The following POU2F2 variants were observed in gnomAD, a reference collection of about 807,000 sequenced individuals.
The protein encoded by POU2F2 is POU domain, class 2, transcription factor 2.
POU2F2 carries 14 observed loss-of-function variants against 63.5 expected under a neutral mutation model. The ratio of observed to expected loss-of-function variants is 0.22; its 90% confidence interval spans 0.15 to 0.34. POU2F2 has a LOEUF of 0.34. POU2F2 is among the 10% of genes least tolerant of loss of function. The probability of loss-of-function intolerance (pLI) is 1.00; values close to 1 mark genes in which losing one functional copy is unlikely to be tolerated. For synonymous variants in POU2F2, 306 were observed against 348.6 expected (o/e 0.88, Z 1.36); for missense variants, 607 against 815.2 (o/e 0.74, Z 3.11).
upstream of POU2F2, among the ~76,000 whole-genome samples, chr19:42,178,853 G>A (rs937295104): frequency 6.6e-6 from 1 of 152,058 alleles, no homozygotes; most frequent in East Asian, 1.9e-4. Context: ...GAGAAAGAAA[G>A]CAAAGACAGA....
upstream of POU2F2, among the ~76,000 whole-genome samples, chr19:42,197,474 C>A (rs550006337): frequency 1.3e-5 from 2 of 152,100 alleles, no homozygotes. Context: ...CAAGACGGGT[C>A]GAAATTCCAG....
At chr19:42,132,624 G>GC (rs1401518945), upstream of POU2F2, 9 of 428,146 alleles carry the variant, frequency 2.1e-5, no homozygotes, top group Admixed American at 1.8e-4. Flanking sequence ...GGCTAGTGGG[G>GC]CAGAGGATAA....
In POU2F2 at chr19:42,117,412, G is replaced by A. The variant is rs752125218; in HGVS notation, c.207C>T (p.Leu69=). The A allele has an allele frequency of 1.5e-6, 2 of 1,361,008 alleles. No individual in the cohort carries two copies. The highest frequency in any genetic ancestry group is 2.0e-6 in the Non-Finnish European group (2 of 987,536). 84.3% of individuals were successfully genotyped at this position (1,361,008 alleles called of 1,614,324 possible). A position where few individuals can be genotyped will look rare whatever the true frequency, so the allele number is the denominator to read the frequency against. ...GTCCGGGACCCCAGAATGTTAAGTG[G>A]AGGCCAGAGAGAATGCCCACCTGTG... ...PSTKVGILSG[L]HLTFWGPGPC... Residue 69 remains leucine (L), a synonymous_variant, in exon 5 of 15, where the codon CTC becomes CTT. Coordinates refer to ENST00000692977, the MANE Select transcript of POU2F2 (RefSeq NM_001394376.1). This position sits in a 1 kb window ranked among gnomAD's most constrained non-coding sequence, Gnocchi z 4.4.
intron 1 of POU2F2, among the ~76,000 whole-genome samples, chr19:42,195,622 G>A (rs894228707): frequency 2.3e-4 from 35 of 149,374 alleles, no homozygotes; most frequent in Non-Finnish European, 3.7e-4. Context: ...ATGAGCCACC[G>A]CGCCTGGCCC....
At chr19:42,195,056 AG>A (rs1221467168) in intron 1 of POU2F2, among the ~76,000 whole-genome samples, 1 of 25,658 alleles carries the variant, frequency 3.9e-5, no homozygotes, top group Non-Finnish European at 7.5e-5. Context: ...GAAGGAAGGG[AG>A]GGAGGGAGGG....
In POU2F2 at chr19:42,086,769, A is replaced by G. The variant is rs986124060; in HGVS notation, c.*4488T>C. 3.9e-5 allele frequency: 6 copies of G among 152,094 alleles called. No individual in the cohort carries two copies. Among genetic ancestry groups the G allele is most frequent in the Admixed American group, 6.5e-5 (1 of 15,272 alleles). The allele number at this position is 152,094 out of a possible 1,614,324, so 9.4% of individuals were successfully genotyped here. On this transcript the variant is annotated 3_prime_UTR_variant, in exon 15 of 15. Coordinates refer to ENST00000692977, the MANE Select transcript of POU2F2 (RefSeq NM_001394376.1). ...TACTGAGCCCCTGGGTTTGGGGGAC[A>G]TATTGGGGGAGGGGCAGCAAGGATA...
In POU2F2 at chr19:42,181,369, T is replaced by C. The variant is rs139205175; in HGVS notation, c.-70+15014A>G. Reference sequence around the variant, plus strand: ...CCTCTGAGGAATGTGTGTGTGTGCATGTCTGAGTGAGGGCCATCTCTGGGT... The same window carrying C: ...CCTCTGAGGAATGTGTGTGTGTGCACGTCTGAGTGAGGGCCATCTCTGGGT... On this transcript the variant is annotated intron_variant, in intron 1 of 5. Transcript: ENST00000532176. 3.9e-3 allele frequency among the ~76,000 whole-genome samples: 592 copies of C among 152,370 alleles called. 14 individuals carry two copies. The highest frequency in any genetic ancestry group is 3.1e-3 in the East Asian group (16 of 5,190).
In POU2F2 at chr19:42,116,465, GC is replaced by G. The variant is rs1166355933; in HGVS notation, c.369+784del. Among the ~76,000 whole-genome samples, 5 of 152,240 alleles carry G rather than the reference GC, an allele frequency of 3.3e-5. No homozygotes were observed. The East Asian group carries it at 7.7e-4, about 24-fold the overall frequency. ...CCCAGCGAGATGCACAGGAAGCACTGCCCCCAACACACCACCAGAGGGAGGA... is the reference window on the plus strand; with the variant it reads ...CCCAGCGAGATGCACAGGAAGCACTGCCCCAACACACCACCAGAGGGAGGA... On this transcript the variant is annotated intron_variant, in intron 5 of 14. Coordinates refer to ENST00000692977, the MANE Select transcript of POU2F2 (RefSeq NM_001394376.1).
At chr19:42,145,990 G>C (rs1166397315) in intron 2 of POU2F2, among the ~76,000 whole-genome samples, 3 of 135,242 alleles carry the variant, frequency 2.2e-5, no homozygotes, top group African/African-American at 8.6e-5. Flanking sequence ...CCGAGATCGC[G>C]CCACTGCACT....
In POU2F2 at chr19:42,152,147, G is replaced by C. The variant is rs1198756057; in HGVS notation, c.-9+8185C>G. Reference sequence around the variant, plus strand: ...CCCAGCCTGACTGTGGGGCGCAACGGGTAGCTGAGGCAATGAACAGCTGTG... The same window carrying C: ...CCCAGCCTGACTGTGGGGCGCAACGCGTAGCTGAGGCAATGAACAGCTGTG... On this transcript the variant is annotated intron_variant, in intron 2 of 6. Transcript: ENST00000524801. This position sits in a 1 kb window ranked among gnomAD's most constrained non-coding sequence, Gnocchi z 4.1. Among the ~76,000 whole-genome samples the C allele has an allele frequency of 6.6e-6, 1 of 152,152 alleles. No homozygotes were observed. The highest frequency in any genetic ancestry group is 1.5e-5 in the Non-Finnish European group (1 of 68,032).
chr19:42,141,473 C>CTTT (rs58221767), intron 2 of POU2F2, among the ~76,000 whole-genome samples: 130 of 98,946 alleles, frequency 1.3e-3, no homozygotes, highest in African/African-American at 1.7e-3. Context: ...CTTAATTAAT[C>CTTT]TTTTTTTTTT....
chr19:42,141,894 CCG>C (rs1259648586), intron 2 of POU2F2, among the ~76,000 whole-genome samples: 1 of 152,162 alleles, frequency 6.6e-6, no homozygotes. Context: ...CTAGATGCCA[CCG>C]ATAGGACAGT....
intron 1 of POU2F2, among the ~76,000 whole-genome samples, chr19:42,129,624 C>T (rs2033523268): frequency 1.3e-5 from 2 of 152,210 alleles, no homozygotes; most frequent in South Asian, 2.1e-4. Flanking sequence ...CCCCTGCCTC[C>T]GCAGCCTGCT....
In POU2F2 at chr19:42,086,248, T is replaced by C. The variant is rs1249626289; in HGVS notation, c.*5009A>G. 6.6e-6 allele frequency: 1 copy of C among 151,990 alleles called. No individual in the cohort carries two copies. Among genetic ancestry groups the C allele is most frequent in the Non-Finnish European group, 1.5e-5 (1 of 68,016 alleles). 9.4% of individuals were successfully genotyped at this position (151,990 alleles called of 1,614,324 possible). A position where few individuals can be genotyped will look rare whatever the true frequency, so the allele number is the denominator to read the frequency against. ...ACAAGCAGATTGGAGTTAAGAACAC[T>C]GAAACACTAACCCGCTACCACGAGA... is the stretch of plus-strand genomic sequence containing the variant. On this transcript the variant is annotated 3_prime_UTR_variant, in exon 15 of 15. Transcript: ENST00000692977.
intron 5 of POU2F2, among the ~76,000 whole-genome samples, chr19:42,112,167 G>A (rs1034630307): frequency 2.0e-5 from 3 of 152,220 alleles, no homozygotes; most frequent in African/African-American, 4.8e-5. Flanking sequence ...AGGCCCTGTG[G>A]ATGAACTGAC....
At chr19:42,093,494 T>A (rs2076810359) in intron 12 of POU2F2, 1 of 252,964 alleles carries the variant, frequency 4.0e-6, no homozygotes, top group Admixed American at 5.3e-5. Context: ...ACATTCATAA[T>A]AATTTAATAA....
At chr19:42,146,446 G>C (rs957416538) in intron 2 of POU2F2, among the ~76,000 whole-genome samples, 2 of 152,210 alleles carry the variant, frequency 1.3e-5, no homozygotes, top group Admixed American at 1.3e-4. Context: ...CATTCACTGA[G>C]TGCCTTCACA....
At chr19:42,186,966 AAG>A (rs2035018920) in intron 1 of POU2F2, among the ~76,000 whole-genome samples, 1 of 152,136 alleles carries the variant, frequency 6.6e-6, no homozygotes, top group Admixed American at 6.5e-5. Flanking sequence ...GGATCCAGCA[AAG>A]AGTTATATTA....
At chr19:42,122,714 C>A (rs2032791734) in intron 1 of POU2F2, 138 bp from the exon 2 acceptor site, 2 of 754,058 alleles carry the variant, frequency 2.7e-6, no homozygotes, top group South Asian at 4.1e-5. Context: ...GTGTCTCTTC[C>A]CAAGAGACAT....
Sources: gnomAD v4.1 joint callset for allele counts (sites outside exome capture counted in the v4.1 genomes callset) on GRCh38, gnomAD v4.1.1 for gene constraint, Gnocchi (gnomAD v3.1) non-coding constraint, MANE v1.5 for transcripts, NCBI Gene and HGNC (gene_info 2026-07-23, HGNC 2026-07-21) for gene names.